RBFOX3: variants seen among roughly 807,000 people sequenced by gnomAD.
RBFOX3 encodes the protein RNA binding fox-1 homolog 3, also known as RNA binding protein fox-1 homolog 3.
RBFOX3 carries 17 observed loss-of-function variants against 48.7 expected under a neutral mutation model. The observed-to-expected ratio is 0.35, with a 90% CI of 0.24 to 0.52. The LOEUF is 0.52. Ranked by LOEUF, RBFOX3 falls within the 20% of genes least tolerant of loss-of-function variation. RBFOX3 has a pLI of 0.94. For missense variants in RBFOX3, 382 were observed against 497.5 expected, an observed-to-expected ratio of 0.77 and a Z score of 2.21; for synonymous variants, 212 against 209.5, an observed-to-expected ratio of 1.01 and a Z score of -0.10.
the RBFOX3 span, among the ~76,000 whole-genome samples, chr17:79,640,792 CA>C: frequency 8.1e-3 from 1,237 of 152,144 alleles, 13 homozygotes; most frequent in African/African-American, 0.028. Flanking sequence ...ACTCCATACA[CA>C]AAAATCAACT....
chr17:79,340,495 T>C (rs764005789), intron 2 of RBFOX3, among the ~76,000 whole-genome samples: 21 of 152,122 alleles, frequency 1.4e-4, no homozygotes, highest in Non-Finnish European at 2.5e-4. Flanking sequence ...TGTGTAAAGA[T>C]GGAGTGTGTT....
At chr17:79,525,267 A>C (rs939239731) in intron 1 of RBFOX3, among the ~76,000 whole-genome samples, 4 of 152,210 alleles carry the variant, frequency 2.6e-5, no homozygotes, top group African/African-American at 9.7e-5. Flanking sequence ...ATGTCTCCAG[A>C]CATTGCCAAA....
At chr17:79,292,599 CGCACACACACACACACATACAT>C (rs1168700018) in intron 3 of RBFOX3, among the ~76,000 whole-genome samples, 8,222 of 114,836 alleles carry the variant, frequency 0.072, 393 homozygotes, top group African/African-American at 0.19. Context: ...CACACACACA[CGCACACACACACACACATACAT>C]GCAGACCCAG....
At chr17:79,507,851 C>T (rs1263094244) in intron 1 of RBFOX3, among the ~76,000 whole-genome samples, 9 of 152,228 alleles carry the variant, frequency 5.9e-5, no homozygotes, top group Admixed American at 5.2e-4. Context: ...GGAAAACCCA[C>T]CCTGGGGAAG....
At chr17:79,245,807 A>G in intron 3 of RBFOX3, among the ~76,000 whole-genome samples, 1 of 151,854 alleles carries the variant, frequency 6.6e-6, no homozygotes, top group East Asian at 1.9e-4. Context: ...TTTGTATTTT[A>G]GTAGAGACGG....
rs555672468 is a variant in RBFOX3, at chr17:79,254,018, C to G, written c.-73-18213G>C. Among the ~76,000 whole-genome samples the G allele has an allele frequency of 2.0e-5, 3 of 151,856 alleles. No homozygotes were observed. The highest frequency in any genetic ancestry group is 4.4e-5 in the Non-Finnish European group (3 of 67,950). On this transcript the variant is annotated intron_variant, in intron 3 of 14. Coordinates refer to ENST00000693108, the MANE Select transcript of RBFOX3 (RefSeq NM_001350451.2). This position sits in a 1 kb window ranked among gnomAD's most constrained non-coding sequence, Gnocchi z 4.8. ...TCTTCCCCCACGCAGCCTCTGAGGG[C>G]GGGTATGGGAGGGAGCCTTCTCCCC... is the stretch of plus-strand genomic sequence containing the variant.
Position 79,242,032 on chromosome 17 carries a change from G to T in RBFOX3, c.-73-6227C>A, listed in dbSNP as rs771532441. Among the ~76,000 whole-genome samples the T allele has an allele frequency of 6.6e-6, 1 of 152,350 alleles. No homozygotes were observed. Among genetic ancestry groups the T allele is most frequent in the East Asian group, 1.9e-4 (1 of 5,192 alleles). ...ACACACAGCTTCCACGTATTCACTC[G>T]ATTCTTTGCTTTCTTTCCTTCCATG... On this transcript the variant is annotated intron_variant, in intron 3 of 14. Transcript: ENST00000693108. This position sits in a 1 kb window ranked among gnomAD's most constrained non-coding sequence, Gnocchi z 5.8.
intron 2 of RBFOX3, among the ~76,000 whole-genome samples, chr17:79,310,269 T>C (rs2076665268): frequency 6.6e-6 from 1 of 152,136 alleles, no homozygotes; most frequent in Non-Finnish European, 1.5e-5. Context: ...CCTGAAGGCC[T>C]GGGGGTTAAG....
intron 2 of RBFOX3, among the ~76,000 whole-genome samples, chr17:79,383,144 G>C (rs772202403): frequency 1.6e-4 from 24 of 152,108 alleles, no homozygotes; most frequent in Admixed American, 3.3e-4. Context: ...GTCCTCTTGA[G>C]ATCACAGCAC....
In RBFOX3 at chr17:79,198,163, T is replaced by C. The variant is rs1182476866; in HGVS notation, c.-34+37603A>G. On this transcript the variant is annotated intron_variant, in intron 4 of 14. Coordinates refer to ENST00000693108, the MANE Select transcript of RBFOX3 (RefSeq NM_001350451.2). This position sits in a 1 kb window ranked among gnomAD's most constrained non-coding sequence, Gnocchi z 8.2. ...TTGCATCGTGTGGGGTGGGCTGTCA[T>C]CCCGGAAGTGCTACGGTTGCATCGC... Among the ~76,000 whole-genome samples the C allele has an allele frequency of 2.6e-5, 4 of 151,044 alleles. No homozygotes were observed. Among genetic ancestry groups the C allele is most frequent in the Non-Finnish European group, 5.9e-5 (4 of 67,906 alleles).
chr17:79,223,064 C>T (rs2059915696), intron 4 of RBFOX3, among the ~76,000 whole-genome samples: 2 of 152,092 alleles, frequency 1.3e-5, no homozygotes, highest in Non-Finnish European at 2.9e-5. Context: ...CTGCCTGTCT[C>T]CTGCATCCTC....
At chr17:79,504,225 T>G (rs1472982664) in intron 1 of RBFOX3, among the ~76,000 whole-genome samples, 1 of 152,200 alleles carries the variant, frequency 6.6e-6, no homozygotes, top group African/African-American at 2.4e-5. Flanking sequence ...AAACCTGGCA[T>G]AGCAGGAGCC....
In RBFOX3 at chr17:79,119,376, C is replaced by A. The variant is rs1232386616; in HGVS notation, c.-33-3628G>T. Among the ~76,000 whole-genome samples, 3 of 152,336 alleles carry A rather than the reference C, an allele frequency of 2.0e-5. No homozygotes were observed. The East Asian group carries it at 5.8e-4, about 29-fold the overall frequency. On this transcript the variant is annotated intron_variant, in intron 4 of 14. Coordinates refer to ENST00000693108, the MANE Select transcript of RBFOX3 (RefSeq NM_001350451.2). ...TCATTGAGTGGACACTTCCCCCTTT[C>A]CCAGCTAATAAAACCGAGGTGTAGA...
At chr17:79,417,245 A>G (rs2065523421) in intron 2 of RBFOX3, among the ~76,000 whole-genome samples, 1 of 152,218 alleles carries the variant, frequency 6.6e-6, no homozygotes, top group Admixed American at 6.5e-5. Context: ...AGAGTCTCTC[A>G]GCCCCTCAGC....
intron 1 of RBFOX3, among the ~76,000 whole-genome samples, chr17:79,604,772 C>A: frequency 6.6e-6 from 1 of 152,356 alleles, no homozygotes; most frequent in East Asian, 1.9e-4. Flanking sequence ...CAAGGAAACC[C>A]TATGTCCTTT....
intron 1 of RBFOX3, among the ~76,000 whole-genome samples, chr17:79,542,133 A>C (rs2089806496): frequency 2.0e-5 from 3 of 152,036 alleles, no homozygotes; most frequent in Non-Finnish European, 4.4e-5. Context: ...AAGGTTGACA[A>C]AATAATAGAT....
chr17:79,626,204 C>T, the RBFOX3 span, among the ~76,000 whole-genome samples: 8 of 152,098 alleles, frequency 5.3e-5, no homozygotes, highest in Non-Finnish European at 8.8e-5. Flanking sequence ...GTCAGGTGGA[C>T]CAGAAACTTC....
At chr17:79,625,444 A>G in the RBFOX3 span, among the ~76,000 whole-genome samples, 1 of 152,184 alleles carries the variant, frequency 6.6e-6, no homozygotes, top group Admixed American at 6.5e-5. Context: ...GGGGTATCGT[A>G]AATCAAGGCA....
the RBFOX3 span, among the ~76,000 whole-genome samples, chr17:79,620,229 A>G: frequency 6.6e-6 from 1 of 151,326 alleles, no homozygotes; most frequent in Non-Finnish European, 1.5e-5. Flanking sequence ...GGACATGCAC[A>G]CACGCACATG....
Sources: gnomAD v4.1 joint callset for allele counts (sites outside exome capture counted in the v4.1 genomes callset) on GRCh38, gnomAD v4.1.1 for gene constraint, Gnocchi (gnomAD v3.1) non-coding constraint, MANE v1.5 for transcripts, NCBI Gene and HGNC (gene_info 2026-07-23, HGNC 2026-07-21) for gene names.